Variants in SATB1 observed in about 807,000 individuals in gnomAD.
SATB1 encodes DNA-binding protein SATB1.
SATB1 carries 11 observed loss-of-function variants against 86.9 expected under a neutral mutation model. The ratio of observed to expected loss-of-function variants is 0.13; its 90% CI spans 0.08 to 0.21. The LOEUF is 0.21. Ranked by LOEUF, SATB1 falls within the 10% of genes least tolerant of loss-of-function variation. The pLI is 1.00. For synonymous variants in SATB1, 357 were observed against 357.2 expected (o/e 1.00, Z 0.01); for missense variants, 551 against 937.6 (o/e 0.59, Z 5.39).
At position 18,415,099 on chromosome 3, in the gene SATB1, T is replaced by C; in HGVS notation, c.639+12A>G. On this transcript the variant is annotated intron_variant, in intron 5 of 10. Coordinates refer to ENST00000338745, the MANE Select transcript of SATB1 (RefSeq NM_002971.6). ...TGATGTCTTATTATTTATTACATTC[T>C]ATGCTAAGTACCTGTGAAAGGGGGC... 2 of 1,612,348 alleles carry C rather than the reference T, an allele frequency of 1.2e-6. No homozygotes were observed. The highest frequency in any genetic ancestry group is 1.1e-5 in the South Asian group (1 of 90,992).
rs113958477 is a variant in SATB1 at position 18,382,301 on chromosome 3, G to GA, written c.1420-3977dup. Among the ~76,000 whole-genome samples, 432 of 151,920 alleles carry GA rather than the reference G, an allele frequency of 2.8e-3. 2 individuals carry two copies. Among genetic ancestry groups the GA allele is most frequent in the African/African-American group, 0.01 (420 of 41,490 alleles). ...TACATAAAGAGATGTAAAAAATGAA[G>GA]AAAAAAAGACTTTTGTGTAATTCAT... On this transcript the variant is annotated intron_variant, in intron 8 of 10. Coordinates refer to ENST00000338745, the MANE Select transcript of SATB1 (RefSeq NM_002971.6).
At chr3:18,404,500 C>A (rs1575148592) in intron 5 of SATB1, among the ~76,000 whole-genome samples, 1 of 151,938 alleles carries the variant, frequency 6.6e-6, no homozygotes, top group Admixed American at 6.6e-5. Context: ...AAACTCAGTA[C>A]AAAGCTCCAA....
intron 9 of SATB1, among the ~76,000 whole-genome samples, chr3:18,364,673 C>T (rs1010795260): frequency 1.3e-4 from 20 of 151,554 alleles, no homozygotes; most frequent in Admixed American, 1.1e-3. Flanking sequence ...CCCACATAAA[C>T]GTGTGTGTGT....
rs2125157997 is a variant in SATB1, at chr3:18,415,151, A to G, written c.599T>C (p.Met200Thr). ...RNALKDLLKD[M>T]NQSSLAKECP... ...CTCCTTGGCCAATGAACTCTGATTC[A>G]TATCTTTCAGTAAGTCCTTCAGAGC... Residue 200 changes from methionine to threonine, a missense_variant, in exon 5 of 11, where the codon ATG (methionine) becomes ACG (threonine). By Grantham distance (81) the Met-to-Thr change is moderately conservative. Coordinates refer to ENST00000338745, the MANE Select transcript of SATB1 (RefSeq NM_002971.6). 6.2e-7 allele frequency: 1 copy of G among 1,613,112 alleles called. No individual in the cohort carries two copies. The highest frequency in any genetic ancestry group is 8.5e-7 in the Non-Finnish European group (1 of 1,179,310).
chr3:18,379,284 G>T lies in SATB1; in HGVS notation c.1420-959C>A, dbSNP rs540984140. 4.6e-5 allele frequency among the ~76,000 whole-genome samples: 7 copies of T among 152,280 alleles called. No homozygotes were observed. In the South Asian group the frequency reaches 1.4e-3, roughly 32 times the overall value. ...CAAATTTATTTTTTATTACACAGTA[G>T]TATGAACTAGCCTGGAAAATTTACA... On this transcript the variant is annotated intron_variant, in intron 8 of 10. Coordinates refer to ENST00000338745, the MANE Select transcript of SATB1 (RefSeq NM_002971.6).
chr3:18,445,113 C>A (rs1699355396), intron 1 of SATB1: 1 of 664,764 alleles, frequency 1.5e-6, no homozygotes, highest in Non-Finnish European at 1.9e-6. Flanking sequence ...CCCGGGGGCT[C>A]GGCGGACCCC....
At chr3:18,392,770 C>T (rs1696751482) in intron 7 of SATB1, among the ~76,000 whole-genome samples, 1 of 151,872 alleles carries the variant, frequency 6.6e-6, no homozygotes, top group South Asian at 2.1e-4. Context: ...CTACCAGAAA[C>T]AGGAATATTT....
chr3:18,350,734 T>C (rs1694313803), intron 10 of SATB1: 1 of 152,618 alleles, frequency 6.6e-6, no homozygotes, highest in Non-Finnish European at 1.5e-5. Flanking sequence ...TAGTGCTTGA[T>C]ATCCTAAAGG....
intron 9 of SATB1, among the ~76,000 whole-genome samples, chr3:18,354,944 T>C (rs1042669329): frequency 7.2e-5 from 11 of 152,178 alleles, no homozygotes; most frequent in Non-Finnish European, 1.5e-5. Context: ...ATGACTAACA[T>C]AACATTTCCA....
chr3:18,436,070 G>A (rs1013966478), intron 2 of SATB1, among the ~76,000 whole-genome samples: 5 of 151,990 alleles, frequency 3.3e-5, no homozygotes, highest in African/African-American at 1.2e-4. Flanking sequence ...AGAATATTTT[G>A]GATGCAGCTA....
intron 1 of SATB1, chr3:18,445,276 G>C: frequency 4.1e-6 from 4 of 984,160 alleles, no homozygotes; most frequent in Non-Finnish European, 4.8e-6. Context: ...AGCCCGAGCC[G>C]AGCCGAGCCC....
upstream of SATB1, among the ~76,000 whole-genome samples, chr3:18,440,548 T>C (rs1300760748): frequency 6.6e-6 from 1 of 152,188 alleles, no homozygotes; most frequent in African/African-American, 2.4e-5. Context: ...TTTCCTCTGA[T>C]TGCTGCACTG....
At chr3:18,428,716 A>G (rs1373015193), upstream of SATB1, among the ~76,000 whole-genome samples, 1 of 152,248 alleles carries the variant, frequency 6.6e-6, no homozygotes, top group Non-Finnish European at 1.5e-5. Flanking sequence ...AACAGAGTGC[A>G]TCAATTTTCT....
At position 18,345,540 on chromosome 3, in the gene SATB1, G is replaced by T. The variant is rs1261532857; in HGVS notation, c.*3630C>A. 1 of 152,022 alleles carries T rather than the reference G, an allele frequency of 6.6e-6. No individual in the cohort carries two copies. The highest frequency in any genetic ancestry group is 2.4e-5 in the African/African-American group (1 of 41,436). The allele number at this position is 152,022 out of a possible 1,614,324, so 9.4% of individuals were successfully genotyped here. ...GATTGTAGTTTAGCCTTTGTCAAAA[G>T]ACATGCAAGTATTTAGTATTTACAT... On this transcript the variant is annotated 3_prime_UTR_variant, in exon 11 of 11. Coordinates refer to ENST00000338745, the MANE Select transcript of SATB1 (RefSeq NM_002971.6).
chr3:18,434,515 A>G (rs992480363), intron 2 of SATB1, among the ~76,000 whole-genome samples: 7 of 152,064 alleles, frequency 4.6e-5, no homozygotes, highest in African/African-American at 1.7e-4. Context: ...GAAAGCCTTT[A>G]AAACTCAGAG....
chr3:18,423,235 C>A (rs1004729167), intron 1 of SATB1, among the ~76,000 whole-genome samples: 2 of 152,166 alleles, frequency 1.3e-5, no homozygotes, highest in Non-Finnish European at 2.9e-5. Context: ...CTGGTTGCCA[C>A]ACAGAAAGCA....
intron 9 of SATB1, among the ~76,000 whole-genome samples, chr3:18,359,852 A>G (rs1278940427): frequency 6.6e-6 from 1 of 151,756 alleles, no homozygotes; most frequent in African/African-American, 2.4e-5. Flanking sequence ...ATGGTGTAAC[A>G]TTTTCATCAG....
intron 9 of SATB1, among the ~76,000 whole-genome samples, chr3:18,375,740 C>T (rs1318007010): frequency 6.6e-6 from 1 of 152,094 alleles, no homozygotes; most frequent in African/African-American, 2.4e-5. Flanking sequence ...TTTGGACTGT[C>T]TCATTTTTTA....
chr3:18,384,678 G>A (rs537751917), intron 8 of SATB1, among the ~76,000 whole-genome samples: 39 of 152,048 alleles, frequency 2.6e-4, no homozygotes, highest in African/African-American at 6.7e-4. Flanking sequence ...ATTTCATTTC[G>A]TATATTTTTT....
Sources: gnomAD v4.1 joint callset for allele counts (sites outside exome capture counted in the v4.1 genomes callset) on GRCh38, gnomAD v4.1.1 for gene constraint, MANE v1.5 for transcripts, NCBI Gene and HGNC (gene_info 2026-07-23, HGNC 2026-07-21) for gene names.